KCNH7: variants seen among roughly 807,000 people sequenced by gnomAD.
The protein encoded by KCNH7 is voltage-gated inwardly rectifying potassium channel KCNH7.
In KCNH7, 49 loss-of-function variants were observed where a neutral mutation model predicts 120.8. The ratio of observed to expected loss-of-function variants is 0.41; its 90% CI spans 0.32 to 0.51. The LOEUF is 0.51. KCNH7 is among the 20% of genes least tolerant of loss of function. The probability of loss-of-function intolerance (pLI) is 0.38; values close to 1 mark genes in which losing one functional copy is unlikely to be tolerated. For synonymous variants in KCNH7, 547 were observed against 516.1 expected, an observed-to-expected ratio of 1.06 and a Z score of -0.81; for missense variants, 1,097 against 1,446.6, an observed-to-expected ratio of 0.76 and a Z score of 3.92.
chr2:162,468,058 C>T (rs1689365655), intron 6 of KCNH7, among the ~76,000 whole-genome samples: 1 of 152,146 alleles, frequency 6.6e-6, no homozygotes, highest in African/African-American at 2.4e-5. Context: ...AACATTTAGA[C>T]CACAGAACTG....
At chr2:162,594,697 T>C (rs1049123803) in intron 2 of KCNH7, among the ~76,000 whole-genome samples, 1 of 151,082 alleles carries the variant, frequency 6.6e-6, no homozygotes, top group Non-Finnish European at 1.5e-5. Flanking sequence ...TCGTCCTTAT[T>C]CCCTGAACAA....
At chr2:162,626,724 C>T (rs1178145684) in intron 2 of KCNH7, among the ~76,000 whole-genome samples, 1 of 152,012 alleles carries the variant, frequency 6.6e-6, no homozygotes, top group African/African-American at 2.4e-5. Flanking sequence ...TTATTAAATA[C>T]CTAGGTAACA....
chr2:162,728,540 A>G (rs565127890), intron 2 of KCNH7, among the ~76,000 whole-genome samples: 3 of 152,324 alleles, frequency 2.0e-5, no homozygotes, highest in South Asian at 2.1e-4. Context: ...GCACTTTGGG[A>G]GGCCAAGGCA....
intron 2 of KCNH7, among the ~76,000 whole-genome samples, chr2:162,792,076 T>C (rs1683966236): frequency 6.6e-6 from 1 of 152,188 alleles, no homozygotes; most frequent in Admixed American, 6.6e-5. Flanking sequence ...GTTTATGTTA[T>C]GTATCACATT....
chr2:162,737,084 C>T (rs1371196202), intron 2 of KCNH7, among the ~76,000 whole-genome samples: 1 of 152,086 alleles, frequency 6.6e-6, no homozygotes, highest in Non-Finnish European at 1.5e-5. Flanking sequence ...TGATCTTCTC[C>T]TAAACTCTAA....
At chr2:162,757,390 A>C (rs566741533) in intron 2 of KCNH7, among the ~76,000 whole-genome samples, 1 of 152,164 alleles carries the variant, frequency 6.6e-6, no homozygotes, top group Non-Finnish European at 1.5e-5. Context: ...TAGTCTATTT[A>C]ATGAATTTTT....
intron 3 of KCNH7, among the ~76,000 whole-genome samples, chr2:162,520,764 A>G: frequency 6.6e-6 from 1 of 151,780 alleles, no homozygotes. Context: ...GAGAGACCCT[A>G]TCTCTAAAGA....
chr2:162,673,890 A>C (rs1450136309), intron 2 of KCNH7, among the ~76,000 whole-genome samples: 1 of 152,010 alleles, frequency 6.6e-6, no homozygotes, highest in African/African-American at 2.4e-5. Context: ...AATGAAGAAA[A>C]TTCCTTAATG....
At chr2:162,425,899 G>A (rs948253737) in intron 8 of KCNH7, among the ~76,000 whole-genome samples, 2 of 152,094 alleles carry the variant, frequency 1.3e-5, no homozygotes, top group African/African-American at 2.4e-5. Flanking sequence ...TGGATTATAA[G>A]TACATAGTTG....
At chr2:162,752,024 T>C (rs928024780) in intron 2 of KCNH7, among the ~76,000 whole-genome samples, 2 of 152,176 alleles carry the variant, frequency 1.3e-5, no homozygotes, top group African/African-American at 4.8e-5. Context: ...TTTTCCACTA[T>C]GTAGCTTGCA....
chr2:162,389,059 T>C (rs1686664170), intron 12 of KCNH7, among the ~76,000 whole-genome samples: 1 of 152,050 alleles, frequency 6.6e-6, no homozygotes, highest in African/African-American at 2.4e-5. Context: ...ATCTTTCACC[T>C]TGATTTCCAT....
chr2:162,572,312 G>A (rs1252395830), intron 2 of KCNH7, among the ~76,000 whole-genome samples: 1 of 146,338 alleles, frequency 6.8e-6, no homozygotes, highest in East Asian at 2.0e-4. Context: ...ATCATCACTG[G>A]CCATCAGAGA....
At chr2:162,557,704 C>T (rs191217041) in intron 2 of KCNH7, among the ~76,000 whole-genome samples, 2 of 151,924 alleles carry the variant, frequency 1.3e-5, no homozygotes, top group South Asian at 4.2e-4. Context: ...GAAGAGATGA[C>T]CTGGTCGCCA....
intron 8 of KCNH7, among the ~76,000 whole-genome samples, chr2:162,430,086 C>T (rs1218219989): frequency 6.6e-6 from 1 of 151,840 alleles, no homozygotes; most frequent in Non-Finnish European, 1.5e-5. Flanking sequence ...AGGAGTTAAA[C>T]CACTTGAGGA....
intron 6 of KCNH7, among the ~76,000 whole-genome samples, chr2:162,490,098 A>G (rs1690241906): frequency 6.6e-6 from 1 of 152,238 alleles, no homozygotes; most frequent in Non-Finnish European, 1.5e-5. Flanking sequence ...CTTTAGGCAG[A>G]CAGTAAGGGG....
At position 162,518,201 on chromosome 2, in the gene KCNH7, A is replaced by C. The variant is rs1447650852; in HGVS notation, c.464-43T>G. On this transcript the variant is annotated intron_variant, in intron 3 of 15. Transcript: ENST00000332142. ...AGAGAGCATTATTATAAGGCAAATG[A>C]TATATCCTGTAACAAAAACAAACAT... 4 of 1,399,910 alleles carry C rather than the reference A, an allele frequency of 2.9e-6. No homozygotes were observed. In the African/African-American group the frequency reaches 5.8e-5, roughly 20 times the overall value. 86.7% of individuals were successfully genotyped at this position (1,399,910 alleles called of 1,614,324 possible).
intron 2 of KCNH7, among the ~76,000 whole-genome samples, chr2:162,786,863 T>C (rs910164075): frequency 6.6e-6 from 1 of 152,214 alleles, no homozygotes; most frequent in Non-Finnish European, 1.5e-5. Flanking sequence ...AGAAAATACC[T>C]TACCATGCTC....
At chr2:162,486,662 G>C (rs141114202) in intron 6 of KCNH7, among the ~76,000 whole-genome samples, 1 of 152,158 alleles carries the variant, frequency 6.6e-6, no homozygotes, top group East Asian at 1.9e-4. Flanking sequence ...TTCTTTTAAA[G>C]AGTTTTAAAA....
intron 2 of KCNH7, among the ~76,000 whole-genome samples, chr2:162,750,371 T>G (rs1688497643): frequency 6.9e-6 from 1 of 144,302 alleles, no homozygotes; most frequent in Admixed American, 6.7e-5. Flanking sequence ...CTGGATAAAT[T>G]TTAGCATATA....
Sources: gnomAD v4.1 joint callset for allele counts (sites outside exome capture counted in the v4.1 genomes callset) on GRCh38, gnomAD v4.1.1 for gene constraint, MANE v1.5 for transcripts, NCBI Gene and HGNC (gene_info 2026-07-23, HGNC 2026-07-21) for gene names.